The following MYO10 variants were observed in gnomAD, a reference collection of about 807,000 sequenced individuals.
The protein encoded by MYO10 is myosin X.
Under a neutral mutation model 257.3 loss-of-function variants are expected in MYO10, and 133 were observed. That is an observed-to-expected ratio of 0.52 (90% confidence interval 0.45 to 0.60). MYO10 has a LOEUF of 0.60. Ranked by LOEUF, MYO10 falls within the 20% of genes least tolerant of loss-of-function variation. The probability of loss-of-function intolerance (pLI) is 0.00; values close to 1 mark genes in which losing one functional copy is unlikely to be tolerated. For missense variants in MYO10, 2,399 were observed against 2,635.7 expected, an observed-to-expected ratio of 0.91 and a Z score of 1.97; for synonymous variants, 1,104 against 1,028.6, an observed-to-expected ratio of 1.07 and a Z score of -1.40.
At chr5:16,780,846 C>A in intron 6 of MYO10, 105 bp from the exon 7 acceptor site, 2 of 1,182,860 alleles carry the variant, frequency 1.7e-6, no homozygotes, top group South Asian at 1.5e-5. Flanking sequence ...AATTACAGTT[C>A]CCTGTTCCTT....
chr5:16,928,418 T>C (rs1746197091), intron 1 of MYO10, among the ~76,000 whole-genome samples: 1 of 152,138 alleles, frequency 6.6e-6, no homozygotes, highest in Non-Finnish European at 1.5e-5. Context: ...GGTCTCGAAC[T>C]CCTGACCTCA....
chr5:16,692,802 G>C (rs1307444875), intron 27 of MYO10, among the ~76,000 whole-genome samples: 2 of 152,152 alleles, frequency 1.3e-5, no homozygotes, highest in African/African-American at 4.8e-5. Flanking sequence ...AGAAATGGCT[G>C]AATAAGAGCT....
At position 16,781,718 on chromosome 5, in the gene MYO10, C is replaced by T. The variant is rs1741430446; in HGVS notation, c.714G>A (p.Gly238=). 4 of 1,613,750 alleles carry T rather than the reference C, an allele frequency of 2.5e-6. No homozygotes were observed. Among genetic ancestry groups the T allele is most frequent in the African/African-American group, 2.7e-5 (2 of 74,934 alleles). Residue 238 remains glycine, a synonymous_variant, in exon 6 of 41, where the codon GGG becomes GGA. Transcript: ENST00000513610. ...GAAAGAGGATACAATCTACAATTCTCCCGCCCTGAATATTTCCTTTCTGAC... is the reference window on the plus strand; with the variant it reads ...GAAAGAGGATACAATCTACAATTCTTCCGCCCTGAATATTTCCTTTCTGAC... The part of the protein sequence containing the change: ...NICQKGNIQG[G]RIVDYLLEKN...
At chr5:16,779,722 T>C (rs1190598009) in intron 8 of MYO10, 74 bp from the exon 9 acceptor site, 1 of 810,018 alleles carries the variant, frequency 1.2e-6, no homozygotes, top group Non-Finnish European at 2.0e-6. Flanking sequence ...CTCTGACTTT[T>C]TAAAGTATAT....
chr5:16,785,065 G>T (rs190546931), intron 4 of MYO10, among the ~76,000 whole-genome samples: 1 of 152,194 alleles, frequency 6.6e-6, no homozygotes, highest in African/African-American at 2.4e-5. Context: ...AAGATCTGAC[G>T]ATCTAAACCT....
intron 1 of MYO10, among the ~76,000 whole-genome samples, chr5:16,891,108 C>A (rs1359923216): frequency 6.6e-6 from 1 of 151,664 alleles, no homozygotes; most frequent in African/African-American, 2.4e-5. Flanking sequence ...CGTGGTGAAA[C>A]CCAGTCTCCA....
chr5:16,815,583 G>C, intron 3 of MYO10: 1 of 631,286 alleles, frequency 1.6e-6, no homozygotes. Context: ...ACTACCAGGT[G>C]CCTGGCAGTG....
At chr5:16,857,488 CA>C (rs1743992465) in intron 2 of MYO10, among the ~76,000 whole-genome samples, 2 of 152,196 alleles carry the variant, frequency 1.3e-5, no homozygotes. Context: ...GACCCATTTT[CA>C]AAGTATGGCT....
At chr5:16,924,790 T>G (rs1746084386) in intron 1 of MYO10, among the ~76,000 whole-genome samples, 2 of 151,786 alleles carry the variant, frequency 1.3e-5, no homozygotes, top group African/African-American at 4.8e-5. Flanking sequence ...TTTGAATTTC[T>G]ATTGGCAGGA....
intron 19 of MYO10, 30 bp from the exon 20 acceptor site, chr5:16,711,275 A>G (rs758729182): frequency 4.4e-6 from 7 of 1,586,746 alleles, no homozygotes; most frequent in Non-Finnish European, 6.0e-6. Context: ...AAGATGGGAT[A>G]CCATTAGAAA....
At chr5:16,726,693 G>T (rs1180943834) in intron 19 of MYO10, among the ~76,000 whole-genome samples, 1 of 152,060 alleles carries the variant, frequency 6.6e-6, no homozygotes, top group African/African-American at 2.4e-5. Context: ...TATACTTCCT[G>T]GTACATATTT....
intron 6 of MYO10, 117 bp from the exon 7 acceptor site, chr5:16,780,858 G>T: frequency 9.4e-7 from 1 of 1,059,864 alleles, no homozygotes; most frequent in South Asian, 1.6e-5. Flanking sequence ...CTGTTCCTTT[G>T]ACATAGAAGC....
At chr5:16,733,895 A>G (rs922371512) in intron 19 of MYO10, among the ~76,000 whole-genome samples, 1 of 152,112 alleles carries the variant, frequency 6.6e-6, no homozygotes, top group Non-Finnish European at 1.5e-5. Context: ...CAGGGAGTCC[A>G]GGCTTCTGAG....
chr5:16,829,092 G>T (rs999577761), intron 2 of MYO10, among the ~76,000 whole-genome samples: 1 of 152,162 alleles, frequency 6.6e-6, no homozygotes. Flanking sequence ...GGCTGTTATG[G>T]TAGAAATGCC....
chr5:16,841,238 C>T (rs1561012857), intron 2 of MYO10, among the ~76,000 whole-genome samples: 1 of 151,870 alleles, frequency 6.6e-6, no homozygotes, highest in Non-Finnish European at 1.5e-5. Flanking sequence ...AGAAACAATG[C>T]ACATTTTCAA....
At chr5:16,716,879 G>A (rs1320687514) in intron 19 of MYO10, among the ~76,000 whole-genome samples, 1 of 152,180 alleles carries the variant, frequency 6.6e-6, no homozygotes, top group South Asian at 2.1e-4. Flanking sequence ...TGTCACCCAG[G>A]CTGGAGTGCA....
chr5:16,884,705 T>G (rs1210606076), intron 1 of MYO10, among the ~76,000 whole-genome samples: 1 of 136,512 alleles, frequency 7.3e-6, no homozygotes, highest in African/African-American at 2.5e-5. Flanking sequence ...CTTTCCAACT[T>G]ACCAGATGCT....
chr5:16,929,522 T>TC (rs1452938946), intron 1 of MYO10, among the ~76,000 whole-genome samples: 1 of 152,174 alleles, frequency 6.6e-6, no homozygotes, highest in Non-Finnish European at 1.5e-5. Context: ...ATCCTGGCTA[T>TC]CGTTTTCTAG....
intron 9 of MYO10, among the ~76,000 whole-genome samples, chr5:16,773,141 C>T (rs1289375837): frequency 1.3e-5 from 2 of 152,156 alleles, no homozygotes; most frequent in African/African-American, 4.8e-5. Context: ...GCTATCATTT[C>T]ATGCATACAA....
Sources: allele counts gnomAD v4.1 joint callset (sites outside exome capture counted in the v4.1 genomes callset), GRCh38; gene constraint gnomAD v4.1.1; transcripts MANE v1.5; gene names NCBI Gene and HGNC (gene_info 2026-07-23, HGNC 2026-07-21).